Variants in MGAT4C observed in about 807,000 individuals in gnomAD.
MGAT4C encodes the protein alpha-1,3-mannosyl-glycoprotein 4-beta-N-acetylglucosaminyltransferase C.
Under a neutral mutation model 40.1 loss-of-function variants are expected in MGAT4C, and 19 were observed. That is an observed-to-expected ratio of 0.47 (90% CI 0.33 to 0.70). MGAT4C has a LOEUF of 0.70. MGAT4C is among the 30% of genes least tolerant of loss of function. MGAT4C has a pLI of 0.02. For synonymous variants in MGAT4C, 181 were observed against 187.1 expected, an observed-to-expected ratio of 0.97 and a Z score of 0.27; for missense variants, 491 against 563.2, an observed-to-expected ratio of 0.87 and a Z score of 1.30.
At chr12:86,589,211 T>G (rs1274552408) in intron 2 of MGAT4C, among the ~76,000 whole-genome samples, 1 of 151,146 alleles carries the variant, frequency 6.6e-6, no homozygotes, top group East Asian at 2.0e-4. Context: ...TAAAAAATGA[T>G]AAAGGGGATA....
intron 1 of MGAT4C, among the ~76,000 whole-genome samples, chr12:86,072,237 A>T (rs1366734505): frequency 6.6e-6 from 1 of 152,140 alleles, no homozygotes; most frequent in Non-Finnish European, 1.5e-5. Flanking sequence ...CCTACTCTCA[A>T]ATAGAGGACT....
At chr12:86,217,793 G>A (rs1233009865) in intron 1 of MGAT4C, among the ~76,000 whole-genome samples, 5 of 152,114 alleles carry the variant, frequency 3.3e-5, no homozygotes, top group East Asian at 1.9e-4. Context: ...TTTAGTTAAC[G>A]AAAAAGAAAG....
At chr12:86,416,301 A>T (rs558769413) in intron 3 of MGAT4C, among the ~76,000 whole-genome samples, 6 of 152,136 alleles carry the variant, frequency 3.9e-5, no homozygotes, top group Non-Finnish European at 8.8e-5. Context: ...AAAAATTTAC[A>T]TTCTGAGATA....
intron 2 of MGAT4C, among the ~76,000 whole-genome samples, chr12:86,489,503 C>T (rs1036806246): frequency 3.0e-4 from 45 of 152,296 alleles, no homozygotes; most frequent in Non-Finnish European, 1.6e-4. Flanking sequence ...GGCAAAGGGC[C>T]TATTGAGCTG....
intron 2 of MGAT4C, among the ~76,000 whole-genome samples, chr12:86,517,382 C>A (rs767454038): frequency 2.0e-5 from 3 of 151,924 alleles, no homozygotes; most frequent in Admixed American, 2.0e-4. Context: ...AAAGTTAGAA[C>A]TATTAAAACT....
At chr12:86,387,255 A>G (rs1956068781) in intron 3 of MGAT4C, among the ~76,000 whole-genome samples, 1 of 152,108 alleles carries the variant, frequency 6.6e-6, no homozygotes, top group Non-Finnish European at 1.5e-5. Flanking sequence ...AATCTCTCAG[A>G]GACAATGATT....
At chr12:86,530,404 C>T (rs865798035) in intron 2 of MGAT4C, among the ~76,000 whole-genome samples, 4 of 151,932 alleles carry the variant, frequency 2.6e-5, no homozygotes, top group Admixed American at 2.0e-4. Flanking sequence ...CTAGTAGATG[C>T]TGCTAACCAT....
chr12:86,435,090 C>T (rs969409231), intron 3 of MGAT4C: 3 of 151,894 alleles, frequency 2.0e-5, no homozygotes, highest in Admixed American at 1.3e-4. Context: ...TCCCTGACCA[C>T]ATTATGGTTT....
At chr12:86,292,182 T>A (rs1258205130) in intron 4 of MGAT4C, among the ~76,000 whole-genome samples, 2 of 152,062 alleles carry the variant, frequency 1.3e-5, no homozygotes, top group Non-Finnish European at 2.9e-5. Context: ...GGATGTTTGG[T>A]GGTGGTGGTG....
intron 1 of MGAT4C, among the ~76,000 whole-genome samples, chr12:86,144,725 T>G (rs1241413817): frequency 6.6e-6 from 1 of 152,172 alleles, no homozygotes; most frequent in Non-Finnish European, 1.5e-5. Flanking sequence ...ATAGTAAGGT[T>G]TTACAAGAGA....
intron 1 of MGAT4C, among the ~76,000 whole-genome samples, chr12:86,204,897 C>T (rs1036044558): frequency 5.9e-5 from 9 of 151,776 alleles, no homozygotes; most frequent in African/African-American, 1.7e-4. Context: ...TCAAAGAAAA[C>T]AATGATAATT....
intron 2 of MGAT4C, among the ~76,000 whole-genome samples, chr12:86,522,058 T>C (rs1212139117): frequency 6.6e-6 from 1 of 152,126 alleles, no homozygotes; most frequent in Non-Finnish European, 1.5e-5. Flanking sequence ...ACCGGGATAG[T>C]TTCACTTCCT....
intron 1 of MGAT4C, among the ~76,000 whole-genome samples, chr12:86,818,760 A>G (rs1460515954): frequency 6.6e-6 from 1 of 151,258 alleles, no homozygotes; most frequent in East Asian, 1.9e-4. Context: ...GTGCTAGAAC[A>G]GAAACACATA....
chr12:86,689,145 C>T (rs1230109949), intron 2 of MGAT4C, among the ~76,000 whole-genome samples: 2 of 152,118 alleles, frequency 1.3e-5, no homozygotes, highest in African/African-American at 4.8e-5. Flanking sequence ...TCTGTTGATA[C>T]CTGTGTATAC....
intron 2 of MGAT4C, chr12:86,011,750 C>A (rs1482699989): frequency 1.3e-6 from 1 of 781,112 alleles, no homozygotes; most frequent in Admixed American, 6.2e-5. Flanking sequence ...GCGAATAATA[C>A]TGATTACTAG....
At chr12:86,472,987 GCT>G (rs1226449338) in intron 2 of MGAT4C, among the ~76,000 whole-genome samples, 1 of 152,032 alleles carries the variant, frequency 6.6e-6, no homozygotes, top group Non-Finnish European at 1.5e-5. Context: ...ATGGAGTCTC[GCT>G]CTGTTACCCA....
intron 1 of MGAT4C, among the ~76,000 whole-genome samples, chr12:86,220,028 T>C (rs1014516523): frequency 1.3e-5 from 2 of 152,158 alleles, no homozygotes; most frequent in African/African-American, 4.8e-5. Flanking sequence ...AGAGAAAGAC[T>C]GCCCTATAAT....
In MGAT4C at chr12:86,669,324, G is replaced by A. The variant is rs184949046; in HGVS notation, c.-229+57885C>T. Among the ~76,000 whole-genome samples, 480 of 152,064 alleles carry A rather than the reference G, an allele frequency of 3.2e-3. 1 individual carries two copies. The highest frequency in any genetic ancestry group is 0.011 in the African/African-American group (464 of 41,488). ...TCCTGTGCAGAGATCCAGGTGCAGG[G>A]GGCCCTCTCTGTCATAAGCCCAGTC... On this transcript the variant is annotated intron_variant, in intron 2 of 7. Coordinates refer to the MGAT4C transcript ENST00000548651.
chr12:86,816,168 C>A (rs1210867673), intron 1 of MGAT4C, among the ~76,000 whole-genome samples: 1 of 151,730 alleles, frequency 6.6e-6, no homozygotes, highest in Non-Finnish European at 1.5e-5. Flanking sequence ...TATATTTTTG[C>A]AGGTTTTCAT....
Sources: gnomAD v4.1 joint callset for allele counts (sites outside exome capture counted in the v4.1 genomes callset) on GRCh38, gnomAD v4.1.1 for gene constraint, MANE v1.5 for transcripts, NCBI Gene and HGNC (gene_info 2026-07-23, HGNC 2026-07-21) for gene names.